The following CLVS1 variants were observed in gnomAD, a reference collection of about 807,000 sequenced individuals.
CLVS1 encodes clavesin-1.
CLVS1 carries 10 observed loss-of-function variants against 33.1 expected under a neutral mutation model. The ratio of observed to expected loss-of-function variants is 0.30; its 90% CI spans 0.19 to 0.51. The LOEUF is 0.51. Among genes scored for constraint, CLVS1 ranks in the 20% least tolerant of loss-of-function variants. The pLI, the probability that CLVS1 is intolerant of heterozygous loss-of-function variation, is 0.97. For synonymous variants in CLVS1, 163 were observed against 166.1 expected (o/e 0.98, Z 0.14); for missense variants, 343 against 433.4 (o/e 0.79, Z 1.85).
intron 3 of CLVS1, among the ~76,000 whole-genome samples, chr8:61,434,522 G>A (rs561019981): frequency 6.6e-6 from 1 of 152,256 alleles, no homozygotes; most frequent in South Asian, 2.1e-4. Flanking sequence ...TATATTTTAG[G>A]GAGGAGGCAT....
intron 1 of CLVS1, among the ~76,000 whole-genome samples, chr8:61,089,364 C>T (rs1805188312): frequency 6.6e-6 from 1 of 152,156 alleles, no homozygotes; most frequent in South Asian, 2.1e-4. Context: ...ACTTGATTTT[C>T]CAGAAATGGT....
chr8:61,262,265 C>T (rs1427047498), intron 2 of CLVS1, among the ~76,000 whole-genome samples: 1 of 152,100 alleles, frequency 6.6e-6, no homozygotes, highest in Non-Finnish European at 1.5e-5. Flanking sequence ...ATCCTCCTGC[C>T]TCAACCTCTG....
intron 2 of CLVS1, among the ~76,000 whole-genome samples, chr8:61,257,958 A>C (rs1199251332): frequency 6.6e-6 from 1 of 152,012 alleles, no homozygotes; most frequent in Non-Finnish European, 1.5e-5. Flanking sequence ...GGTGATGATG[A>C]TGGTGGTGGT....
intron 3 of CLVS1, among the ~76,000 whole-genome samples, chr8:61,413,448 A>G (rs964274325): frequency 6.6e-6 from 1 of 152,172 alleles, no homozygotes; most frequent in Non-Finnish European, 1.5e-5. Context: ...TACAGGGGAA[A>G]GAGTCCAGAG....
At chr8:61,354,260 A>G (rs1415187186) in intron 2 of CLVS1, among the ~76,000 whole-genome samples, 1 of 152,104 alleles carries the variant, frequency 6.6e-6, no homozygotes, top group Non-Finnish European at 1.5e-5. Context: ...CAAGACCACA[A>G]TGAGATACAC....
intron 2 of CLVS1, among the ~76,000 whole-genome samples, chr8:61,187,517 A>G (rs1807366019): frequency 6.6e-6 from 1 of 152,166 alleles, no homozygotes; most frequent in African/African-American, 2.4e-5. Context: ...TATATGGTAC[A>G]TTACTCATCT....
intron 1 of CLVS1, among the ~76,000 whole-genome samples, chr8:61,115,357 TTTTATTTTTATTTA>T (rs1419838506): frequency 6.6e-6 from 1 of 151,300 alleles, no homozygotes; most frequent in African/African-American, 2.4e-5. Context: ...TTATTTTTAT[TTTTATTTTTATTTA>T]TTTATTTATT....
At chr8:61,361,074 T>C (rs900566342) in intron 2 of CLVS1, among the ~76,000 whole-genome samples, 2 of 152,046 alleles carry the variant, frequency 1.3e-5, no homozygotes, top group Admixed American at 1.3e-4. Flanking sequence ...GAGGGGGTGC[T>C]ACACACTTTT....
intron 2 of CLVS1, among the ~76,000 whole-genome samples, chr8:61,356,341 A>C (rs1428660781): frequency 2.0e-5 from 3 of 152,030 alleles, no homozygotes; most frequent in African/African-American, 7.2e-5. Context: ...TAGGTTGTGA[A>C]AATTTTCTCC....
chr8:61,490,362 A>G (rs1443031279), intron 5 of CLVS1, among the ~76,000 whole-genome samples: 2 of 151,618 alleles, frequency 1.3e-5, no homozygotes, highest in Non-Finnish European at 2.9e-5. Flanking sequence ...TATGGAAATG[A>G]AAAACATTTA....
chr8:61,141,432 T>C lies in CLVS1; in HGVS notation c.-152+9572T>C, dbSNP rs529184633. The stretch of plus-strand genomic sequence containing the variant: ...ACACACACATATTTATTTCTATATT[T>C]ATCTGTAAGTTGAATACTGGCTCCA... On this transcript the variant is annotated intron_variant, in intron 2 of 2. Transcript: ENST00000522621. Among the ~76,000 whole-genome samples the C allele has an allele frequency of 1.7e-4, 26 of 152,356 alleles. No homozygotes were observed. The South Asian group carries it at 4.6e-3, about 27-fold the overall frequency.
intron 5 of CLVS1, 111 bp downstream of exon 5, chr8:61,458,653 T>A (rs1817253074): frequency 1.4e-6 from 1 of 716,184 alleles, no homozygotes; most frequent in Non-Finnish European, 2.3e-6. Flanking sequence ...AGAACTTGAA[T>A]AAAATAAATT....
chr8:60,979,334 CCT>C, the CLVS1 span, among the ~76,000 whole-genome samples: 1 of 152,328 alleles, frequency 6.6e-6, no homozygotes, highest in South Asian at 2.1e-4. Context: ...GTAACCAAGA[CCT>C]CTTTCTACTC....
At chr8:61,035,117 G>A in the CLVS1 span, among the ~76,000 whole-genome samples, 1 of 151,190 alleles carries the variant, frequency 6.6e-6, no homozygotes, top group African/African-American at 2.4e-5. Flanking sequence ...GGTGCAAATT[G>A]TATCAAGCAA....
intron 2 of CLVS1, among the ~76,000 whole-genome samples, chr8:61,361,076 C>G (rs1446605402): frequency 1.3e-5 from 2 of 152,052 alleles, no homozygotes; most frequent in Non-Finnish European, 2.9e-5. Flanking sequence ...GGGGGTGCTA[C>G]ACACTTTTAA....
the CLVS1 span, among the ~76,000 whole-genome samples, chr8:60,986,061 C>T: frequency 6.6e-6 from 1 of 152,116 alleles, no homozygotes; most frequent in African/African-American, 2.4e-5. Flanking sequence ...TCCTGAATAC[C>T]CAGCAATGTG....
intron 1 of CLVS1, among the ~76,000 whole-genome samples, chr8:61,087,554 C>A (rs1453274595): frequency 6.6e-6 from 1 of 152,070 alleles, no homozygotes; most frequent in Non-Finnish European, 1.5e-5. Context: ...AGGAGTAGAA[C>A]CTAGGTGGCA....
At chr8:61,220,341 T>C (rs1808181232) in intron 2 of CLVS1, among the ~76,000 whole-genome samples, 1 of 152,134 alleles carries the variant, frequency 6.6e-6, no homozygotes, top group South Asian at 2.1e-4. Flanking sequence ...TTGTATAAGG[T>C]GTAAGGAAGG....
chr8:61,420,707 A>G (rs7003729), intron 3 of CLVS1, among the ~76,000 whole-genome samples: 3,639 of 152,064 alleles, frequency 0.024, 153 homozygotes, highest in African/African-American at 0.083. Flanking sequence ...CGGTGGTCAC[A>G]CCTGTAATTC....
Sources: allele counts gnomAD v4.1 joint callset (sites outside exome capture counted in the v4.1 genomes callset), GRCh38; gene constraint gnomAD v4.1.1; transcripts MANE v1.5; gene names NCBI Gene and HGNC (gene_info 2026-07-23, HGNC 2026-07-21).